Variants in DOK5 observed in about 807,000 individuals in gnomAD.
The protein encoded by DOK5 is downstream of tyrosine kinase 5.
A neutral mutation model predicts 43.3 loss-of-function variants in DOK5; 27 were observed. The observed-to-expected ratio is 0.62, with a 90% confidence interval of 0.46 to 0.86. The LOEUF is 0.86. Among genes scored for constraint, DOK5 ranks in the 40% least tolerant of loss-of-function variants. The pLI is 0.00. For synonymous variants in DOK5, 146 were observed against 140.1 expected (o/e 1.04, Z -0.30); for missense variants, 373 against 392.9 (o/e 0.95, Z 0.43).
intron 1 of DOK5, among the ~76,000 whole-genome samples, chr20:54,538,225 AGT>A (rs1177590088): frequency 2.6e-5 from 4 of 151,430 alleles, no homozygotes; most frequent in Admixed American, 2.6e-4. Context: ...TTTTGCTTTA[AGT>A]CACAGTTTCC....
chr20:54,527,920 A>C (rs1983633159), intron 1 of DOK5, among the ~76,000 whole-genome samples: 1 of 152,218 alleles, frequency 6.6e-6, no homozygotes, highest in Non-Finnish European at 1.5e-5. Context: ...AAAAATACAC[A>C]CATATACTGG....
At chr20:54,629,173 T>C (rs1221113765) in intron 6 of DOK5, among the ~76,000 whole-genome samples, 3 of 152,214 alleles carry the variant, frequency 2.0e-5, no homozygotes, top group South Asian at 2.1e-4. Context: ...GCAGGACTTA[T>C]AAAACCACAG....
At chr20:54,506,109 C>T (rs1157830509) in intron 1 of DOK5, among the ~76,000 whole-genome samples, 1 of 152,200 alleles carries the variant, frequency 6.6e-6, no homozygotes, top group Non-Finnish European at 1.5e-5. Flanking sequence ...AGCAGCCCAG[C>T]TCTGCCTATA....
intron 1 of DOK5, among the ~76,000 whole-genome samples, chr20:54,478,831 CA>C (rs1191867814): frequency 6.6e-6 from 1 of 152,104 alleles, no homozygotes; most frequent in Admixed American, 6.5e-5. Context: ...CTGCTTGTAT[CA>C]TTTTCTTTAA....
intron 1 of DOK5, among the ~76,000 whole-genome samples, chr20:54,547,153 T>G (rs1249274965): frequency 6.6e-6 from 1 of 152,180 alleles, no homozygotes; most frequent in Non-Finnish European, 1.5e-5. Flanking sequence ...AAAGTTTTAT[T>G]GGAAGGTATC....
At chr20:54,481,808 G>A (rs919855050) in intron 1 of DOK5, among the ~76,000 whole-genome samples, 1 of 152,190 alleles carries the variant, frequency 6.6e-6, no homozygotes, top group African/African-American at 2.4e-5. Flanking sequence ...CTTCTGGTGA[G>A]TTATTTAATA....
chr20:54,524,543 C>T (rs1389547806), intron 1 of DOK5, among the ~76,000 whole-genome samples: 1 of 152,148 alleles, frequency 6.6e-6, no homozygotes, highest in Non-Finnish European at 1.5e-5. Context: ...GCCTTCTCTC[C>T]TGGAACCATA....
intron 6 of DOK5, among the ~76,000 whole-genome samples, chr20:54,638,752 C>CTTTTTTTT (rs11476340): frequency 4.1e-5 from 4 of 98,526 alleles, no homozygotes; most frequent in African/African-American, 3.7e-5. Flanking sequence ...CTTTTCTTTT[C>CTTTTTTTT]TTTTTTTTTT....
At chr20:54,642,549 C>CAAAAAAAAAAAA (rs66463305) in intron 6 of DOK5, among the ~76,000 whole-genome samples, 48 of 96,220 alleles carry the variant, frequency 5.0e-4, no homozygotes, top group African/African-American at 9.1e-4. Context: ...ACTAAAAATA[C>CAAAAAAAAAAAA]AAAAAAAAAA....
intron 1 of DOK5, among the ~76,000 whole-genome samples, chr20:54,527,005 T>C (rs1983599782): frequency 6.6e-6 from 1 of 152,206 alleles, no homozygotes; most frequent in Non-Finnish European, 1.5e-5. Flanking sequence ...TGGTTCAAAA[T>C]AGTTGAGGTT....
At chr20:54,637,996 C>A (rs376080803) in intron 6 of DOK5, among the ~76,000 whole-genome samples, 63 of 152,146 alleles carry the variant, frequency 4.1e-4, no homozygotes, top group Non-Finnish European at 6.9e-4. Context: ...GTGGCGGGCA[C>A]CTGTAGTCCC....
In DOK5 at chr20:54,648,303, C is replaced by T. The variant is rs533526462; in HGVS notation, c.857-2112C>T. ...CTAGGCAGGGATATTCCTTCCCTCT[C>T]GGAGCTTATAATCTAATGGAGAGTC... On this transcript the variant is annotated intron_variant, in intron 7 of 7. Coordinates refer to ENST00000262593, the MANE Select transcript of DOK5 (RefSeq NM_018431.5). Among the ~76,000 whole-genome samples the T allele has an allele frequency of 9.2e-5, 14 of 152,160 alleles. No individual in the cohort carries two copies. In the East Asian group the frequency reaches 1.4e-3, roughly 15 times the overall value.
chr20:54,511,782 TC>T (rs1353783178), intron 1 of DOK5, among the ~76,000 whole-genome samples: 2 of 152,196 alleles, frequency 1.3e-5, no homozygotes, highest in African/African-American at 4.8e-5. Flanking sequence ...TACAGTCTCT[TC>T]TTGGGGTTGC....
At chr20:54,497,908 C>T (rs1342331128) in intron 1 of DOK5, among the ~76,000 whole-genome samples, 1 of 151,740 alleles carries the variant, frequency 6.6e-6, no homozygotes, top group Non-Finnish European at 1.5e-5. Flanking sequence ...ATATTATGAC[C>T]CTAATTGACC....
At chr20:54,541,271 A>G (rs987486996) in intron 1 of DOK5, among the ~76,000 whole-genome samples, 17 of 151,830 alleles carry the variant, frequency 1.1e-4, no homozygotes, top group African/African-American at 4.1e-4. Context: ...AGTCAGTATC[A>G]CCCCCTGCAA....
intron 1 of DOK5, among the ~76,000 whole-genome samples, chr20:54,502,044 T>C (rs539445288): frequency 1.3e-5 from 2 of 152,328 alleles, no homozygotes; most frequent in African/African-American, 4.8e-5. Context: ...ACTGCAATAC[T>C]GGGAAGGTTA....
Position 54,586,338 on chromosome 20 carries a change from T to C in DOK5, c.175-2145T>C, listed in dbSNP as rs549676562. On this transcript the variant is annotated intron_variant, in intron 2 of 7. Transcript: ENST00000262593. ...TAGTTGACACTAAGGCCAGGGCACA[T>C]TTCCTAGAGGAAGTGGACCTTGGGG... Among the ~76,000 whole-genome samples, 13 of 152,222 alleles carry C rather than the reference T, an allele frequency of 8.5e-5. 1 individual carries two copies. The East Asian group carries it at 2.5e-3, about 29-fold the overall frequency.
intron 1 of DOK5, among the ~76,000 whole-genome samples, chr20:54,512,763 C>T (rs931204399): frequency 1.3e-5 from 2 of 152,226 alleles, no homozygotes; most frequent in Non-Finnish European, 2.9e-5. Context: ...CACTACATAG[C>T]TGCTGTAATG....
At chr20:54,641,539 TATCATCATC>T (rs56910547) in intron 6 of DOK5, among the ~76,000 whole-genome samples, 117 of 128,870 alleles carry the variant, frequency 9.1e-4, no homozygotes, top group African/African-American at 2.5e-3. Context: ...AATTTCTAAT[TATCATCATC>T]ATCATCATCA....
Sources: gnomAD v4.1 joint callset for allele counts (sites outside exome capture counted in the v4.1 genomes callset) on GRCh38, gnomAD v4.1.1 for gene constraint, MANE v1.5 for transcripts, NCBI Gene and HGNC (gene_info 2026-07-23, HGNC 2026-07-21) for gene names.